DRC9: variants seen among roughly 807,000 people sequenced by gnomAD.
DRC9 encodes dynein regulatory complex subunit 9, also known as dynein regulatory complex protein 9.
chr3:197,925,976 T>C, the DRC9 span: 7 of 928,966 alleles, frequency 7.5e-6, no homozygotes, highest in Non-Finnish European at 7.2e-6. Context: ...ATATATTTAA[T>C]AGCTGTGTTA....
At chr3:197,890,671 C>T in the DRC9 span, among the ~76,000 whole-genome samples, 1 of 152,178 alleles carries the variant, frequency 6.6e-6, no homozygotes, top group Non-Finnish European at 1.5e-5. Flanking sequence ...TCGTTCTTAA[C>T]ATGTTTGTTG....
chr3:197,928,511 C>T, the DRC9 span, among the ~76,000 whole-genome samples: 2 of 151,850 alleles, frequency 1.3e-5, no homozygotes, highest in Middle Eastern at 3.4e-3. Context: ...CACCATGCCT[C>T]GCTAATTTTT....
chr3:197,959,585 A>C, the DRC9 span: 3 of 152,270 alleles, frequency 2.0e-5, no homozygotes, highest in East Asian at 5.8e-4. Context: ...TTTACTTCTT[A>C]GTGTCATGAG....
the DRC9 span, chr3:197,955,937 C>T: frequency 3.0e-6 from 2 of 660,606 alleles, no homozygotes; most frequent in Non-Finnish European, 5.5e-6. Flanking sequence ...ATGAAAATTA[C>T]AGGGCGAGTA....
chr3:197,896,358 T>G, the DRC9 span, among the ~76,000 whole-genome samples: 6 of 151,794 alleles, frequency 4.0e-5, no homozygotes, highest in Admixed American at 2.0e-4. Context: ...AAAAAATTAA[T>G]AAGTAACAGG....
the DRC9 span, among the ~76,000 whole-genome samples, chr3:197,895,068 A>G: frequency 1.3e-5 from 2 of 152,164 alleles, no homozygotes; most frequent in Admixed American, 6.5e-5. Flanking sequence ...TAAAAAAAAA[A>G]ATCTGATTAT....
the DRC9 span, among the ~76,000 whole-genome samples, chr3:197,893,520 AG>A: frequency 6.6e-6 from 1 of 151,906 alleles, no homozygotes; most frequent in Non-Finnish European, 1.5e-5. Context: ...CTAGTCAAGA[AG>A]GATACAATGT....
chr3:197,951,399 G>A, the DRC9 span: 132 of 1,430,332 alleles, frequency 9.2e-5, no homozygotes, highest in Middle Eastern at 1.7e-4. Flanking sequence ...TGTTGCCGAG[G>A]CTGGAATGCA....
chr3:197,948,747 T>C, the DRC9 span, among the ~76,000 whole-genome samples: 1 of 152,252 alleles, frequency 6.6e-6, no homozygotes, highest in Non-Finnish European at 1.5e-5. Flanking sequence ...CTTATATACA[T>C]CTATTTCATA....
At chr3:197,910,030 T>C in the DRC9 span, among the ~76,000 whole-genome samples, 2 of 151,998 alleles carry the variant, frequency 1.3e-5, no homozygotes, top group Non-Finnish European at 2.9e-5. Context: ...AGAATAGGTA[T>C]GTTTTTAGGT....
chr3:197,943,772 C>T, the DRC9 span: 1 of 1,613,326 alleles, frequency 6.2e-7, no homozygotes, highest in East Asian at 2.2e-5. Flanking sequence ...GTGAGTGGGT[C>T]TATACCACGC....
At chr3:197,891,362 A>T in the DRC9 span, 2 of 742,664 alleles carry the variant, frequency 2.7e-6, no homozygotes, top group Non-Finnish European at 4.8e-6. Context: ...ATATACTGAG[A>T]TGTGTTTGAT....
the DRC9 span, among the ~76,000 whole-genome samples, chr3:197,915,992 T>A: frequency 7.3e-5 from 11 of 151,724 alleles, no homozygotes; most frequent in African/African-American, 1.2e-4. Context: ...ATTAAAAAAA[T>A]TTTTTTGTTT....
At chr3:197,951,376 C>T in the DRC9 span, 11 of 1,546,254 alleles carry the variant, frequency 7.1e-6, no homozygotes, top group East Asian at 1.1e-4. Flanking sequence ...TTTTATATAA[C>T]GGAGTCTTGC....
At chr3:197,934,361 T>C in the DRC9 span, among the ~76,000 whole-genome samples, 1 of 151,960 alleles carries the variant, frequency 6.6e-6, no homozygotes, top group Non-Finnish European at 1.5e-5. Flanking sequence ...ACTTCTGTAT[T>C]TTTAGTAGAG....
the DRC9 span, chr3:197,913,849 C>T: frequency 6.2e-7 from 1 of 1,611,088 alleles, no homozygotes; most frequent in Non-Finnish European, 8.5e-7. Context: ...ATTGCCATCT[C>T]CTGGGTTCTT....
At chr3:197,904,642 C>T in the DRC9 span, among the ~76,000 whole-genome samples, 2 of 151,978 alleles carry the variant, frequency 1.3e-5, no homozygotes, top group Admixed American at 1.3e-4. Context: ...AGGCAGATCA[C>T]CTGAGGTCAG....
chr3:197,893,357 C>CAAAA, the DRC9 span, among the ~76,000 whole-genome samples: 6,369 of 43,088 alleles, frequency 0.15, 837 homozygotes, highest in African/African-American at 0.24. Flanking sequence ...AACTCCGTCT[C>CAAAA]AAAAAAAAAA....
chr3:197,951,854 C>T, the DRC9 span, among the ~76,000 whole-genome samples: 2 of 151,770 alleles, frequency 1.3e-5, no homozygotes, highest in Non-Finnish European at 2.9e-5. Context: ...TGTGCCACCA[C>T]GCCCGGCTAA....
Sources: gnomAD v4.1 joint callset for allele counts (sites outside exome capture counted in the v4.1 genomes callset) on GRCh38, gnomAD v4.1.1 for gene constraint, MANE v1.5 for transcripts, NCBI Gene and HGNC (gene_info 2026-07-23, HGNC 2026-07-21) for gene names.